The following PHF24 variants were observed in gnomAD, a reference collection of about 807,000 sequenced individuals.
The protein encoded by PHF24 is PHD finger protein 24, also known as Galpha inhibitory interacting protein.
Under a neutral mutation model 42.6 loss-of-function variants are expected in PHF24, and 25 were observed. That is an observed-to-expected ratio of 0.59 (90% confidence interval 0.43 to 0.82). PHF24 has a LOEUF of 0.82. Ranked by LOEUF, PHF24 falls within the 40% of genes least tolerant of loss-of-function variation. The probability of loss-of-function intolerance (pLI) is 0.00; values close to 1 mark genes in which losing one functional copy is unlikely to be tolerated. For missense variants in PHF24, 470 were observed against 538.1 expected, an observed-to-expected ratio of 0.87 and a Z score of 1.25; for synonymous variants, 185 against 204.8, an observed-to-expected ratio of 0.90 and a Z score of 0.83.
the PHF24 span, among the ~76,000 whole-genome samples, chr9:34,785,381 G>A: frequency 6.6e-6 from 1 of 152,142 alleles, no homozygotes; most frequent in Admixed American, 6.5e-5. Context: ...CACCATAACG[G>A]GGATTAAGTT....
At chr9:34,691,810 TG>T in the PHF24 span, among the ~76,000 whole-genome samples, 1 of 152,152 alleles carries the variant, frequency 6.6e-6, no homozygotes, top group African/African-American at 2.4e-5. Flanking sequence ...CCAGGTACCT[TG>T]GGAGGAGGCC....
At chr9:34,913,255 T>G in the PHF24 span, among the ~76,000 whole-genome samples, 10 of 152,146 alleles carry the variant, frequency 6.6e-5, no homozygotes, top group Admixed American at 4.6e-4. Context: ...AGAAAAAGAT[T>G]GGTGTAGAAA....
the PHF24 span, among the ~76,000 whole-genome samples, chr9:34,890,329 G>A: frequency 5.3e-5 from 8 of 152,190 alleles, no homozygotes; most frequent in African/African-American, 1.7e-4. Context: ...TGGGTCAACT[G>A]TTTTCTCTGC....
chr9:34,935,609 G>A, the PHF24 span, among the ~76,000 whole-genome samples: 77 of 56,790 alleles, frequency 1.4e-3, 2 homozygotes, highest in African/African-American at 2.6e-3. Context: ...AAAAAAAAAA[G>A]AGAGAGAATG....
the PHF24 span, among the ~76,000 whole-genome samples, chr9:34,799,154 G>T: frequency 6.6e-6 from 1 of 152,148 alleles, no homozygotes; most frequent in African/African-American, 2.4e-5. Context: ...TAGACTAAAA[G>T]ATTAAGTGAA....
the PHF24 span, chr9:34,894,475 C>T: frequency 3.8e-4 from 150 of 398,606 alleles, 2 homozygotes; most frequent in South Asian, 2.7e-3. Context: ...CACAACTTCT[C>T]GGCTTCTTCC....
At chr9:34,942,887 A>T in the PHF24 span, among the ~76,000 whole-genome samples, 67 of 152,226 alleles carry the variant, frequency 4.4e-4, no homozygotes, top group Non-Finnish European at 8.5e-4. Flanking sequence ...CATTAGGAGA[A>T]ATACCTAATG....
the PHF24 span, among the ~76,000 whole-genome samples, chr9:34,693,176 T>A: frequency 6.6e-6 from 1 of 152,200 alleles, no homozygotes; most frequent in Non-Finnish European, 1.5e-5. Context: ...TCCATTCTTC[T>A]GTCCATGATG....
chr9:34,692,265 T>C, the PHF24 span, among the ~76,000 whole-genome samples: 1 of 152,232 alleles, frequency 6.6e-6, no homozygotes, highest in African/African-American at 2.4e-5. Context: ...ATAATAGTAA[T>C]GGTATTTTTG....
the PHF24 span, among the ~76,000 whole-genome samples, chr9:34,822,129 C>T: frequency 1.3e-5 from 2 of 152,006 alleles, no homozygotes. Flanking sequence ...CTGACATTAT[C>T]ATTATTTTTC....
chr9:34,926,352 G>A, the PHF24 span, among the ~76,000 whole-genome samples: 1 of 152,200 alleles, frequency 6.6e-6, no homozygotes, highest in Admixed American at 6.5e-5. This position sits in a 1 kb window ranked among gnomAD's most constrained non-coding sequence, Gnocchi z 4.3. Flanking sequence ...CTGCTCAGCT[G>A]ACCTGGAGGA....
chr9:34,963,248 CTT>C (rs1563927193), intron 1 of PHF24, among the ~76,000 whole-genome samples: 2 of 134,040 alleles, frequency 1.5e-5, no homozygotes, highest in African/African-American at 5.6e-5. Context: ...CACGAGAACT[CTT>C]TTTGATGGTT....
the PHF24 span, chr9:34,723,708 C>T: frequency 7.1e-6 from 11 of 1,551,584 alleles, no homozygotes; most frequent in Non-Finnish European, 9.6e-6. Context: ...AAAGGCTTAG[C>T]CTGAGTTGGT....
the PHF24 span, among the ~76,000 whole-genome samples, chr9:34,799,135 C>G: frequency 1.3e-5 from 2 of 151,926 alleles, no homozygotes; most frequent in African/African-American, 4.8e-5. Context: ...TAAAAAAAAG[C>G]CTTTCCAATA....
chr9:34,762,090 C>A, the PHF24 span, among the ~76,000 whole-genome samples: 2 of 152,062 alleles, frequency 1.3e-5, no homozygotes, highest in African/African-American at 2.4e-5. Flanking sequence ...TTAATCCAGT[C>A]TATCATTGTT....
the PHF24 span, among the ~76,000 whole-genome samples, chr9:34,945,201 C>T: frequency 6.6e-6 from 1 of 152,162 alleles, no homozygotes; most frequent in Non-Finnish European, 1.5e-5. Flanking sequence ...CAAGTACCAC[C>T]CAAGAGGGAG....
chr9:34,730,880 T>G, the PHF24 span, among the ~76,000 whole-genome samples: 3 of 152,300 alleles, frequency 2.0e-5, no homozygotes, highest in East Asian at 5.8e-4. Context: ...ACAAATGCAG[T>G]GTATCTCTAG....
chr9:34,719,330 C>T, the PHF24 span, among the ~76,000 whole-genome samples: 24 of 152,294 alleles, frequency 1.6e-4, no homozygotes, highest in East Asian at 2.3e-3. Context: ...GGAGCCACAG[C>T]GCCTGGCCTG....
the PHF24 span, chr9:34,832,943 T>C: frequency 1.9e-6 from 3 of 1,551,688 alleles, no homozygotes; most frequent in South Asian, 3.6e-5. Flanking sequence ...CTGTGGGAGC[T>C]TAAACTGAGG....
Sources: allele counts gnomAD v4.1 joint callset (sites outside exome capture counted in the v4.1 genomes callset), GRCh38; gene constraint gnomAD v4.1.1; non-coding constraint Gnocchi (gnomAD v3.1); transcripts MANE v1.5; gene names NCBI Gene and HGNC (gene_info 2026-07-23, HGNC 2026-07-21).